The following PI4KA variants were observed in gnomAD, a reference collection of about 807,000 sequenced individuals.
PI4KA encodes phosphatidylinositol 4-kinase alpha.
In PI4KA, 122 loss-of-function variants were observed where a neutral mutation model predicts 271.4. The observed-to-expected ratio is 0.45, with a 90% CI of 0.39 to 0.52. The LOEUF is 0.52. PI4KA is among the 20% of genes least tolerant of loss of function. PI4KA has a pLI of 0.00. For missense variants in PI4KA, 1,969 were observed against 2,769.1 expected, an observed-to-expected ratio of 0.71 and a Z score of 6.48; for synonymous variants, 1,041 against 1,078.8, an observed-to-expected ratio of 0.96 and a Z score of 0.69.
chr22:20,743,429 C>T (rs978060791), intron 30 of PI4KA, among the ~76,000 whole-genome samples: 1 of 151,880 alleles, frequency 6.6e-6, no homozygotes, highest in Non-Finnish European at 1.5e-5. Flanking sequence ...CAGGCGTGAG[C>T]GGCCACACCC....
Position 20,750,004 on chromosome 22 carries a change from G to A in PI4KA, c.3154-10C>T. ...AGTCCTTCACAATGCTCTGGAAGAG[G>A]GTGAAGCTGCTTCTCAACAACCCGA... On this transcript the variant is annotated splice_polypyrimidine_tract_variant and intron_variant, in intron 27 of 54. Coordinates refer to ENST00000255882, the MANE Select transcript of PI4KA (RefSeq NM_058004.4). 6.3e-7 allele frequency: 1 copy of A among 1,592,916 alleles called. No individual in the cohort carries two copies. Among genetic ancestry groups the A allele is most frequent in the Non-Finnish European group, 8.6e-7 (1 of 1,160,914 alleles).
At chr22:20,737,654 G>A (rs1201994427) in intron 32 of PI4KA, among the ~76,000 whole-genome samples, 4 of 145,740 alleles carry the variant, frequency 2.7e-5, no homozygotes, top group Admixed American at 7.0e-5. Flanking sequence ...TTTTTGAGAC[G>A]GAGTTTCGCT....
chr22:20,716,761 T>C (rs1325503047), intron 45 of PI4KA, among the ~76,000 whole-genome samples: 4 of 152,174 alleles, frequency 2.6e-5, no homozygotes, highest in East Asian at 1.9e-4. Context: ...GCCTTCCCGA[T>C]GCGGGAACAG....
chr22:20,772,717 G>A (rs1031996502), intron 19 of PI4KA, among the ~76,000 whole-genome samples: 2 of 152,180 alleles, frequency 1.3e-5, no homozygotes, highest in African/African-American at 4.8e-5. Flanking sequence ...CAGTCTCTGT[G>A]ATAAGCTGAT....
chr22:20,732,547 C>G (rs1327834812), intron 36 of PI4KA, among the ~76,000 whole-genome samples: 2 of 152,246 alleles, frequency 1.3e-5, no homozygotes, highest in Non-Finnish European at 2.9e-5. Context: ...GGCCAAGTGC[C>G]TGTCCCCGAG....
chr22:20,833,872 C>G (rs1218838335), intron 3 of PI4KA, among the ~76,000 whole-genome samples: 1 of 151,854 alleles, frequency 6.6e-6, no homozygotes, highest in Non-Finnish European at 1.5e-5. Flanking sequence ...ATTGGCCAGG[C>G]TGGTCTTGAA....
chr22:20,728,588 C>T (rs1165253633), intron 39 of PI4KA, among the ~76,000 whole-genome samples: 1 of 152,244 alleles, frequency 6.6e-6, no homozygotes, highest in Non-Finnish European at 1.5e-5. Flanking sequence ...GGGGCAGCTA[C>T]TGGTTTCCAG....
chr22:20,726,449 CTG>C (rs1389714020), intron 42 of PI4KA, 37 bp downstream of exon 42: 6 of 1,514,640 alleles, frequency 4.0e-6, no homozygotes, highest in Non-Finnish European at 5.3e-6. Flanking sequence ...GGAACACACT[CTG>C]TGAGTGAAGA....
chr22:20,778,378 C>A (rs1933471171), intron 19 of PI4KA, among the ~76,000 whole-genome samples: 1 of 152,040 alleles, frequency 6.6e-6, no homozygotes. Context: ...GTGGTGTGCA[C>A]CTGTAGTCCC....
At chr22:20,793,417 CA>C (rs1934776694) in intron 18 of PI4KA, 174 bp from the exon 19 acceptor site, 1 of 505,428 alleles carries the variant, frequency 2.0e-6, no homozygotes, top group African/African-American at 1.9e-5. Context: ...ATTTTAATAG[CA>C]AAAAATGAAA....
At chr22:20,749,601 C>A (rs751568068) in intron 28 of PI4KA, among the ~76,000 whole-genome samples, 1 of 152,260 alleles carries the variant, frequency 6.6e-6, no homozygotes, top group Non-Finnish European at 1.5e-5. Flanking sequence ...CTGGCAGCCT[C>A]CCACATCCAC....
At chr22:20,787,079 A>G (rs2147523335) in intron 19 of PI4KA, 1 of 1,612,218 alleles carries the variant, frequency 6.2e-7, no homozygotes, top group Non-Finnish European at 8.5e-7. Flanking sequence ...GTGGAGGTCT[A>G]GGTGTCTGAA....
chr22:20,751,897 A>C (rs1432327588), intron 25 of PI4KA, 142 bp from the exon 26 acceptor site: 1 of 692,064 alleles, frequency 1.4e-6, no homozygotes, highest in Non-Finnish European at 2.5e-6. Context: ...TTGCAGCAGG[A>C]TGCCTGGCCT....
intron 14 of PI4KA, among the ~76,000 whole-genome samples, chr22:20,801,682 G>A (rs1237056871): frequency 1.3e-5 from 2 of 151,820 alleles, no homozygotes; most frequent in African/African-American, 4.8e-5. Flanking sequence ...TCAGGAGTTC[G>A]AGACCAGCCT....
At chr22:20,851,174 AC>A (rs1926921370) in intron 1 of PI4KA, among the ~76,000 whole-genome samples, 1 of 132,644 alleles carries the variant, frequency 7.5e-6, no homozygotes, top group Admixed American at 7.7e-5. Flanking sequence ...AGCTTGGGCA[AC>A]ACAGTGAGAC....
At chr22:20,783,937 C>T (rs376870477) in intron 19 of PI4KA, 74 of 1,613,928 alleles carry the variant, frequency 4.6e-5, no homozygotes, top group Non-Finnish European at 5.7e-5. Flanking sequence ...CTAAAGGAAC[C>T]TTCTCATAAC....
Position 20,765,142 on chromosome 22 carries a change from G to T in PI4KA, c.2532C>A (p.Val844=). 6.2e-7 allele frequency: 1 copy of T among 1,614,004 alleles called. No homozygotes were observed. Among genetic ancestry groups the T allele is most frequent in the Non-Finnish European group, 8.5e-7 (1 of 1,179,922 alleles). ...TCTTCATGGCTGAGTTATACTGGAG[G>T]ACGGACCGCAGTGGCTCCTTGCTGG... The part of the protein sequence containing the change: ...TFPSKEPLRS[V]LQYNSAMKND... Residue 844 remains valine (V), a synonymous_variant, in exon 21 of 55, where the codon GTC becomes GTA. Coordinates refer to ENST00000255882, the MANE Select transcript of PI4KA (RefSeq NM_058004.4).
chr22:20,800,852 C>T (rs1263692574), intron 14 of PI4KA, among the ~76,000 whole-genome samples: 17 of 144,204 alleles, frequency 1.2e-4, no homozygotes, highest in South Asian at 9.2e-4. Flanking sequence ...CCAGCCTGGG[C>T]GACAAAGCAA....
chr22:20,761,161 T>C, intron 23 of PI4KA, 143 bp downstream of exon 23: 1 of 635,974 alleles, frequency 1.6e-6, no homozygotes, highest in East Asian at 2.8e-5. Flanking sequence ...ATTTGAAGGC[T>C]ATATGTTTTA....
Sources: allele counts gnomAD v4.1 joint callset (sites outside exome capture counted in the v4.1 genomes callset), GRCh38; gene constraint gnomAD v4.1.1; transcripts MANE v1.5; gene names NCBI Gene and HGNC (gene_info 2026-07-23, HGNC 2026-07-21).